CTNNA3: variants seen among roughly 807,000 people sequenced by gnomAD.
CTNNA3 encodes the protein catenin alpha-3.
CTNNA3 carries 76 observed loss-of-function variants against 95.7 expected under a neutral mutation model. That is an observed-to-expected ratio of 0.79 (90% CI 0.66 to 0.96). The LOEUF (loss-of-function observed/expected upper bound fraction) is 0.96, where lower values mean the gene tolerates loss of function less well. Among genes scored for constraint, CTNNA3 ranks in the 40% least tolerant of loss-of-function variants. The pLI is 0.00. For synonymous variants in CTNNA3, 431 were observed against 374.4 expected (o/e 1.15, Z -1.74); for missense variants, 1,191 against 1,089.8 (o/e 1.09, Z -1.31).
chr10:66,977,585 C>T (rs551407740), intron 7 of CTNNA3, among the ~76,000 whole-genome samples: 1 of 152,232 alleles, frequency 6.6e-6, no homozygotes, highest in Non-Finnish European at 1.5e-5. Context: ...AATAGAAAGC[C>T]AGAGGTACTT....
chr10:66,735,791 T>A (rs140855452), intron 9 of CTNNA3, among the ~76,000 whole-genome samples: 4 of 152,340 alleles, frequency 2.6e-5, no homozygotes, highest in African/African-American at 9.6e-5. Context: ...TAGCTCTCAC[T>A]CTTGCCATGG....
intron 10 of CTNNA3, among the ~76,000 whole-genome samples, chr10:66,544,477 A>T (rs1182631099): frequency 1.3e-5 from 2 of 152,144 alleles, no homozygotes; most frequent in African/African-American, 2.4e-5. Context: ...TAGCCCAAAA[A>T]CCAAGCTAGA....
intron 15 of CTNNA3, among the ~76,000 whole-genome samples, chr10:66,038,324 G>T (rs2079609741): frequency 6.6e-6 from 1 of 152,134 alleles, no homozygotes; most frequent in Non-Finnish European, 1.5e-5. Context: ...CATTCCAGTG[G>T]CAAGGAGTCT....
At chr10:66,702,289 T>G (rs1006864795) in intron 9 of CTNNA3, among the ~76,000 whole-genome samples, 6 of 151,980 alleles carry the variant, frequency 3.9e-5, no homozygotes, top group Non-Finnish European at 2.9e-5. Flanking sequence ...GGTTACTGTG[T>G]GCTGATTTTT....
chr10:66,718,421 C>G (rs768290649), intron 9 of CTNNA3, among the ~76,000 whole-genome samples: 1 of 151,964 alleles, frequency 6.6e-6, no homozygotes, highest in Admixed American at 6.6e-5. Context: ...TAATTGACTA[C>G]AGTGGAGTCA....
At chr10:66,982,595 T>C (rs1850503288) in intron 7 of CTNNA3, among the ~76,000 whole-genome samples, 1 of 152,078 alleles carries the variant, frequency 6.6e-6, no homozygotes, top group African/African-American at 2.4e-5. Context: ...AAACAGTAGG[T>C]ACTGAAATTA....
At chr10:67,014,912 C>T (rs1038822675) in intron 7 of CTNNA3, among the ~76,000 whole-genome samples, 1 of 151,952 alleles carries the variant, frequency 6.6e-6, no homozygotes, top group Non-Finnish European at 1.5e-5. Flanking sequence ...ATTATATATG[C>T]ATTTTAATAT....
chr10:66,166,386 T>C (rs1459915540), intron 13 of CTNNA3, among the ~76,000 whole-genome samples: 1 of 150,896 alleles, frequency 6.6e-6, no homozygotes, highest in Non-Finnish European at 1.5e-5. Context: ...CCCAGCTACC[T>C]GGGAGGCTGA....
chr10:66,316,090 C>G (rs1186882668), intron 12 of CTNNA3, among the ~76,000 whole-genome samples: 1 of 151,972 alleles, frequency 6.6e-6, no homozygotes, highest in Non-Finnish European at 1.5e-5. Context: ...CTAAATAAGA[C>G]AAAGAGACTT....
chr10:67,549,948 C>T (rs1170060149), intron 3 of CTNNA3, among the ~76,000 whole-genome samples: 1 of 152,076 alleles, frequency 6.6e-6, no homozygotes, highest in Non-Finnish European at 1.5e-5. Flanking sequence ...TTTGCTGATC[C>T]CTCATCTGAG....
chr10:66,738,264 C>G (rs1381291226), intron 9 of CTNNA3, among the ~76,000 whole-genome samples: 1 of 152,104 alleles, frequency 6.6e-6, no homozygotes, highest in Non-Finnish European at 1.5e-5. Context: ...TTTGATTGAT[C>G]TGCATTCTTA....
At chr10:66,062,944 C>T (rs2080232300) in intron 15 of CTNNA3, among the ~76,000 whole-genome samples, 1 of 152,046 alleles carries the variant, frequency 6.6e-6, no homozygotes, top group Non-Finnish European at 1.5e-5. Context: ...AATCCTTTTA[C>T]AACTTGATTC....
At chr10:66,366,265 T>C (rs988013449) in intron 12 of CTNNA3, among the ~76,000 whole-genome samples, 1 of 152,136 alleles carries the variant, frequency 6.6e-6, no homozygotes, top group Admixed American at 6.6e-5. Context: ...AGATATAATA[T>C]GCATGTCAGT....
At chr10:66,546,721 G>A (rs904312079) in intron 10 of CTNNA3, among the ~76,000 whole-genome samples, 9 of 152,064 alleles carry the variant, frequency 5.9e-5, no homozygotes, top group Non-Finnish European at 1.3e-4. Flanking sequence ...CAGCATGGGG[G>A]AAGCCACCCT....
At chr10:66,632,012 A>T (rs1845153750) in intron 9 of CTNNA3, among the ~76,000 whole-genome samples, 1 of 152,104 alleles carries the variant, frequency 6.6e-6, no homozygotes, top group African/African-American at 2.4e-5. Flanking sequence ...ATATCTATTG[A>T]AATAAGCACA....
At chr10:66,690,995 G>C (rs1396498458) in intron 9 of CTNNA3, among the ~76,000 whole-genome samples, 2 of 152,168 alleles carry the variant, frequency 1.3e-5, no homozygotes, top group African/African-American at 4.8e-5. Context: ...TGGCCGAATA[G>C]GAACAGCTCC....
intron 1 of CTNNA3, among the ~76,000 whole-genome samples, chr10:67,710,879 AG>A (rs1841103489): frequency 1.3e-5 from 2 of 152,178 alleles, no homozygotes; most frequent in Non-Finnish European, 2.9e-5. Context: ...ACCTTGATAT[AG>A]TTTGGCTGTG....
intron 7 of CTNNA3, among the ~76,000 whole-genome samples, chr10:66,922,574 G>T (rs1391633907): frequency 1.3e-5 from 2 of 152,158 alleles, no homozygotes; most frequent in Non-Finnish European, 2.9e-5. Context: ...GATCAGACCT[G>T]GTTGTGATGC....
intron 11 of CTNNA3, among the ~76,000 whole-genome samples, chr10:66,483,960 A>G (rs1839634836): frequency 6.6e-6 from 1 of 152,186 alleles, no homozygotes; most frequent in South Asian, 2.1e-4. Context: ...CTGTACTACA[A>G]TACTTTTTCC....
Sources: allele counts gnomAD v4.1 joint callset (sites outside exome capture counted in the v4.1 genomes callset), GRCh38; gene constraint gnomAD v4.1.1; transcripts MANE v1.5; gene names NCBI Gene and HGNC (gene_info 2026-07-23, HGNC 2026-07-21).